Variants in ANKRD18B observed in about 807,000 individuals in gnomAD.
ANKRD18B encodes the protein ankyrin repeat domain 18B.
ANKRD18B carries 75 observed loss-of-function variants against 111.8 expected under a neutral mutation model. That is an observed-to-expected ratio of 0.67 (90% CI 0.56 to 0.81). The LOEUF is 0.81. Among genes scored for constraint, ANKRD18B ranks in the 40% least tolerant of loss-of-function variants. ANKRD18B has a pLI of 0.00. For synonymous variants in ANKRD18B, 356 were observed against 417.3 expected (o/e 0.85, Z 1.79); for missense variants, 1,038 against 1,225.5 (o/e 0.85, Z 2.28).
Position 33,565,625 on chromosome 9 carries a change from G to A in ANKRD18B, c.2461-594G>A, listed in dbSNP as rs577469370. ...TCTACAGGCCTGAGCCACCATGCCT[G>A]GCTAATTTTTTAAATTTGTTTTTTT... On this transcript the variant is annotated intron_variant, in intron 14 of 18. Transcript: ENST00000684830. Among the ~76,000 whole-genome samples, 12 of 151,444 alleles carry A rather than the reference G, an allele frequency of 7.9e-5. No individual in the cohort carries two copies. The East Asian group carries it at 2.1e-3, about 27-fold the overall frequency.
chr9:33,527,739 T>A (rs112672752), intron 1 of ANKRD18B, among the ~76,000 whole-genome samples: 1 of 152,168 alleles, frequency 6.6e-6, no homozygotes, highest in African/African-American at 2.4e-5. Flanking sequence ...GTCAGTTAGA[T>A]GCCTAGAACG....
Position 33,545,697 on chromosome 9 carries a change from A to G in ANKRD18B, c.1150-2241A>G, listed in dbSNP as rs199533370. On this transcript the variant is annotated intron_variant, in intron 10 of 18. Transcript: ENST00000684830. ...AGAACATCAAAAGCATATCTAGAGG[A>G]AGACTTACAGCAAGATATGCAAAGG... is the stretch of plus-strand genomic sequence containing the variant. Among the ~76,000 whole-genome samples, 149 of 152,308 alleles carry G rather than the reference A, an allele frequency of 9.8e-4. 1 individual carries two copies. The highest frequency in any genetic ancestry group is 3.4e-3 in the African/African-American group (141 of 41,580).
intron 14 of ANKRD18B, among the ~76,000 whole-genome samples, chr9:33,560,410 G>C (rs1388584970): frequency 6.6e-6 from 1 of 152,204 alleles, no homozygotes; most frequent in Non-Finnish European, 1.5e-5. Context: ...GGCATGTCCA[G>C]GCAAGCCCCT....
chr9:33,560,979 A>G (rs1249527769), intron 14 of ANKRD18B, among the ~76,000 whole-genome samples: 2 of 152,172 alleles, frequency 1.3e-5, no homozygotes, highest in Non-Finnish European at 2.9e-5. Context: ...AAATATAGTA[A>G]TAATGCTGCT....
chr9:33,544,674 C>G (rs1450503974), intron 10 of ANKRD18B, among the ~76,000 whole-genome samples: 1 of 151,900 alleles, frequency 6.6e-6, no homozygotes, highest in African/African-American at 2.4e-5. Flanking sequence ...CCCATCTCTA[C>G]TAAAAATACA....
At chr9:33,568,927 A>C in intron 17 of ANKRD18B, 34 bp downstream of exon 17, 3 of 1,477,290 alleles carry the variant, frequency 2.0e-6, no homozygotes, top group Non-Finnish European at 2.7e-6. Flanking sequence ...TTTGGGTTTC[A>C]TTTCTCTAAT....
chr9:33,541,799 T>G lies in ANKRD18B; in HGVS notation c.1078+572T>G, dbSNP rs2118030993. On this transcript the variant is annotated intron_variant, in intron 9 of 18. Transcript: ENST00000684830. The stretch of plus-strand genomic sequence containing the variant: ...AATTTGTTTTGCTTTTTAAAAAAAT[T>G]TAAGAAATGACAATAATAGTTGGTT... Among the ~76,000 whole-genome samples the G allele has an allele frequency of 1.3e-5, 2 of 152,302 alleles. 1 individual carries two copies. Among genetic ancestry groups the G allele is most frequent in the South Asian group, 4.1e-4 (2 of 4,822 alleles).
intron 9 of ANKRD18B, among the ~76,000 whole-genome samples, chr9:33,542,051 G>C (rs1050610220): frequency 3.3e-5 from 5 of 151,714 alleles, no homozygotes; most frequent in African/African-American, 1.2e-4. Flanking sequence ...GAATCTCACT[G>C]TCTAAGTCTC....
chr9:33,573,701 A>AGGGT (rs145779637), downstream of ANKRD18B, among the ~76,000 whole-genome samples: 11,716 of 143,510 alleles, frequency 0.082, 1,466 homozygotes, highest in African/African-American at 0.18. Flanking sequence ...GCAGGGAGGG[A>AGGGT]GGGTCTGTGG....
At chr9:33,555,040 A>C (rs1828502062) in intron 12 of ANKRD18B, among the ~76,000 whole-genome samples, 1 of 131,058 alleles carries the variant, frequency 7.6e-6, no homozygotes, top group Non-Finnish European at 1.8e-5. Flanking sequence ...ATAAAAACAC[A>C]ATAAGTGATG....
At chr9:33,530,315 T>A (rs1468341422) in intron 3 of ANKRD18B, among the ~76,000 whole-genome samples, 1 of 152,076 alleles carries the variant, frequency 6.6e-6, no homozygotes, top group Non-Finnish European at 1.5e-5. Flanking sequence ...GTTAAAAATA[T>A]TTTCTTGAAG....
At chr9:33,531,215 T>C (rs1457714184) in intron 3 of ANKRD18B, among the ~76,000 whole-genome samples, 2 of 152,144 alleles carry the variant, frequency 1.3e-5, no homozygotes, top group African/African-American at 4.8e-5. Flanking sequence ...TGAATAAATG[T>C]TGGGAAAATT....
At position 33,548,874 on chromosome 9, in the gene ANKRD18B, A is replaced by T. The variant is rs1478744577; in HGVS notation, c.2067+19A>T. 2.1e-6 allele frequency: 3 copies of T among 1,455,260 alleles called. No individual in the cohort carries two copies. In the Admixed American group the frequency reaches 8.8e-5, roughly 43 times the overall value. 90.1% of individuals were successfully genotyped at this position (1,455,260 alleles called of 1,614,324 possible). On this transcript the variant is annotated intron_variant, in intron 11 of 18. Transcript: ENST00000684830. ...AAGAGAAGTAAGTATGAAGAAAACT[A>T]TAACCTTCTGGAAAGAAAATTTAAA...
chr9:33,571,816 G>A (rs150988356), intron 18 of ANKRD18B: 2,657 of 155,372 alleles, frequency 0.017, 91 homozygotes, highest in African/African-American at 0.061. Flanking sequence ...CTTTGCCTTC[G>A]CCTCTTCCCT....
At chr9:33,575,014 A>G (rs969788907), downstream of ANKRD18B, among the ~76,000 whole-genome samples, 1 of 152,166 alleles carries the variant, frequency 6.6e-6, no homozygotes, top group Non-Finnish European at 1.5e-5. Context: ...GCTCAGACTC[A>G]GGTGAGTGGG....
At chr9:33,538,152 C>T (rs962862549) in intron 6 of ANKRD18B, among the ~76,000 whole-genome samples, 5 of 152,158 alleles carry the variant, frequency 3.3e-5, no homozygotes, top group Non-Finnish European at 4.4e-5. Context: ...ATTCAACAAT[C>T]CCTTTCTGAC....
At chr9:33,538,347 G>A (rs936512772) in intron 6 of ANKRD18B, among the ~76,000 whole-genome samples, 5 of 152,164 alleles carry the variant, frequency 3.3e-5, no homozygotes, top group African/African-American at 4.8e-5. Context: ...TCACCATAAG[G>A]TGGAACCTCA....
chr9:33,569,973 T>C (rs1202252356), intron 17 of ANKRD18B, among the ~76,000 whole-genome samples: 1 of 152,214 alleles, frequency 6.6e-6, no homozygotes, highest in Non-Finnish European at 1.5e-5. Flanking sequence ...AAATAAATCA[T>C]TGTAACAAAA....
chr9:33,540,384 T>C (rs1828261795), intron 8 of ANKRD18B, among the ~76,000 whole-genome samples, 172 bp downstream of exon 8: 1 of 152,190 alleles, frequency 6.6e-6, no homozygotes, highest in Admixed American at 6.6e-5. Flanking sequence ...TCACACCACA[T>C]GCTCATTCCT....
Sources: gnomAD v4.1 joint callset for allele counts (sites outside exome capture counted in the v4.1 genomes callset) on GRCh38, gnomAD v4.1.1 for gene constraint, MANE v1.5 for transcripts, NCBI Gene and HGNC (gene_info 2026-07-23, HGNC 2026-07-21) for gene names.